The following PTPRM variants were observed in gnomAD, a reference collection of about 807,000 sequenced individuals.
PTPRM encodes the protein protein tyrosine phosphatase receptor type M.
Under a neutral mutation model 186.7 loss-of-function variants are expected in PTPRM, and 47 were observed. That is an observed-to-expected ratio of 0.25 (90% confidence interval 0.20 to 0.32). The LOEUF (loss-of-function observed/expected upper bound fraction) is 0.32, where lower values mean the gene tolerates loss of function less well. Among genes scored for constraint, PTPRM ranks in the 10% least tolerant of loss-of-function variants. PTPRM has a pLI of 1.00. For missense variants in PTPRM, 1,494 were observed against 1,865.0 expected (o/e 0.80, Z 3.66); for synonymous variants, 668 against 674.9 (o/e 0.99, Z 0.16).
Position 7,855,222 on chromosome 18 carries a change from C to T in PTPRM, c.197-32884C>T, listed in dbSNP as rs367869724. 2.8e-3 allele frequency among the ~76,000 whole-genome samples: 426 copies of T among 152,218 alleles called. 4 individuals carry two copies. The highest frequency in any genetic ancestry group is 9.6e-3 in the African/African-American group (397 of 41,530). ...TTAGAATGCTGTGCAGGGGGGTATC[C>T]ACTTAAAGCTGGGTGTGACTGAGAA... On this transcript the variant is annotated intron_variant, in intron 2 of 32. Coordinates refer to ENST00000580170, the MANE Select transcript of PTPRM (RefSeq NM_001105244.2).
At chr18:7,977,722 T>A (rs1266481381) in intron 7 of PTPRM, among the ~76,000 whole-genome samples, 1 of 152,046 alleles carries the variant, frequency 6.6e-6, no homozygotes, top group African/African-American at 2.4e-5. Flanking sequence ...CTTGAGACTT[T>A]GGGGGCAAGG....
chr18:8,388,449 T>C (rs1320258772), intron 31 of PTPRM, among the ~76,000 whole-genome samples: 1 of 152,174 alleles, frequency 6.6e-6, no homozygotes, highest in African/African-American at 2.4e-5. Flanking sequence ...AAAGTCTCCC[T>C]GGAAGCCCAG....
chr18:7,994,220 C>T (rs2083412231), intron 7 of PTPRM, among the ~76,000 whole-genome samples: 1 of 151,396 alleles, frequency 6.6e-6, no homozygotes, highest in African/African-American at 2.4e-5. Context: ...GAGACAAGAT[C>T]AGTACATAAT....
At chr18:7,924,754 G>A (rs947319947) in intron 4 of PTPRM, among the ~76,000 whole-genome samples, 16 of 152,282 alleles carry the variant, frequency 1.1e-4, no homozygotes, top group African/African-American at 3.9e-4. Flanking sequence ...CAAGGTGAGC[G>A]AATCTACAGA....
At chr18:8,284,434 A>G (rs924634937) in intron 19 of PTPRM, among the ~76,000 whole-genome samples, 6 of 152,198 alleles carry the variant, frequency 3.9e-5, no homozygotes, top group Non-Finnish European at 8.8e-5. Flanking sequence ...TGGTTCACTT[A>G]AACTAATTGT....
intron 14 of PTPRM, among the ~76,000 whole-genome samples, chr18:8,157,447 A>G (rs1040219615): frequency 6.6e-6 from 1 of 152,128 alleles, no homozygotes; most frequent in Non-Finnish European, 1.5e-5. Flanking sequence ...TCCTTTTCCC[A>G]TGGAGAGCAT....
intron 1 of PTPRM, among the ~76,000 whole-genome samples, chr18:7,591,957 G>A (rs753043614): frequency 6.6e-6 from 1 of 152,032 alleles, no homozygotes; most frequent in Non-Finnish European, 1.5e-5. Flanking sequence ...TATGTGTCCC[G>A]TTGCTTATTC....
At chr18:8,291,379 A>G (rs1259563702) in intron 19 of PTPRM, among the ~76,000 whole-genome samples, 2 of 152,182 alleles carry the variant, frequency 1.3e-5, no homozygotes, top group Non-Finnish European at 2.9e-5. Context: ...TATGCTTCGA[A>G]AATCCTTATT....
intron 1 of PTPRM, among the ~76,000 whole-genome samples, chr18:7,707,483 A>G (rs1276828236): frequency 6.6e-6 from 1 of 151,828 alleles, no homozygotes; most frequent in African/African-American, 2.4e-5. Context: ...TAATAATAAT[A>G]ATAAAATTAG....
intron 2 of PTPRM, among the ~76,000 whole-genome samples, chr18:7,802,555 C>G (rs1245388800): frequency 6.6e-6 from 1 of 152,036 alleles, no homozygotes; most frequent in Non-Finnish European, 1.5e-5. Flanking sequence ...TATTTCTGCC[C>G]TGTTTTCTGA....
chr18:7,748,831 C>T (rs1478783711), intron 1 of PTPRM, among the ~76,000 whole-genome samples: 1 of 152,140 alleles, frequency 6.6e-6, no homozygotes, highest in Non-Finnish European at 1.5e-5. Context: ...GCCTTCCATT[C>T]CCATTATTGG....
chr18:7,688,404 G>A (rs1179182086), intron 1 of PTPRM, among the ~76,000 whole-genome samples: 1 of 152,160 alleles, frequency 6.6e-6, no homozygotes, highest in Non-Finnish European at 1.5e-5. Flanking sequence ...TTCTGTGGGG[G>A]AAATACACAA....
intron 2 of PTPRM, among the ~76,000 whole-genome samples, chr18:7,864,631 G>A (rs925640235): frequency 2.0e-5 from 3 of 152,160 alleles, no homozygotes; most frequent in African/African-American, 7.2e-5. Flanking sequence ...CAGGTAGCGT[G>A]ATGTCTCCAG....
intron 13 of PTPRM, among the ~76,000 whole-genome samples, chr18:8,142,033 C>T (rs1433587954): frequency 2.0e-5 from 3 of 151,960 alleles, no homozygotes; most frequent in African/African-American, 4.8e-5. Context: ...TGATATGTTC[C>T]AATAGAATAT....
intron 7 of PTPRM, among the ~76,000 whole-genome samples, chr18:8,034,673 G>A (rs373965662): frequency 3.0e-4 from 45 of 152,188 alleles, no homozygotes; most frequent in African/African-American, 8.7e-4. Context: ...CAGTTCTGCC[G>A]GCTTCTGCTT....
intron 2 of PTPRM, among the ~76,000 whole-genome samples, chr18:7,829,428 G>A (rs2045651753): frequency 6.6e-6 from 1 of 152,110 alleles, no homozygotes; most frequent in African/African-American, 2.4e-5. Flanking sequence ...AGAGATGGGT[G>A]GCCAAAACTA....
At chr18:7,569,884 G>A (rs2036526054) in intron 1 of PTPRM, among the ~76,000 whole-genome samples, 1 of 152,114 alleles carries the variant, frequency 6.6e-6, no homozygotes, top group Non-Finnish European at 1.5e-5. Context: ...TTTCTATCTA[G>A]AAAGCCAGAG....
At chr18:7,620,321 C>T (rs1184313767) in intron 1 of PTPRM, among the ~76,000 whole-genome samples, 1 of 152,124 alleles carries the variant, frequency 6.6e-6, no homozygotes, top group African/African-American at 2.4e-5. Context: ...TGTTTCTATC[C>T]TTTGCATGGT....
At chr18:7,643,813 ATC>A (rs1013600242) in intron 1 of PTPRM, among the ~76,000 whole-genome samples, 1 of 152,196 alleles carries the variant, frequency 6.6e-6, no homozygotes, top group African/African-American at 2.4e-5. Flanking sequence ...TACTCAGATT[ATC>A]TCTTTTTCTT....
Sources: gnomAD v4.1 joint callset for allele counts (sites outside exome capture counted in the v4.1 genomes callset) on GRCh38, gnomAD v4.1.1 for gene constraint, MANE v1.5 for transcripts, NCBI Gene and HGNC (gene_info 2026-07-23, HGNC 2026-07-21) for gene names.